The following AXL variants were observed in gnomAD, a reference collection of about 807,000 sequenced individuals.
AXL encodes AXL receptor tyrosine kinase, also known as tyrosine-protein kinase receptor UFO.
Under a neutral mutation model 104.5 loss-of-function variants are expected in AXL, and 52 were observed. The observed-to-expected ratio is 0.50, with a 90% CI of 0.40 to 0.63. The LOEUF (loss-of-function observed/expected upper bound fraction) is 0.63, where lower values mean the gene tolerates loss of function less well. Ranked by LOEUF, AXL falls within the 20% of genes least tolerant of loss-of-function variation. The pLI is 0.00. For synonymous variants in AXL, 455 were observed against 473.7 expected, an observed-to-expected ratio of 0.96 and a Z score of 0.51; for missense variants, 1,024 against 1,188.5, an observed-to-expected ratio of 0.86 and a Z score of 2.04.
intron 10 of AXL, among the ~76,000 whole-genome samples, chr19:41,242,608 G>T (rs1024084225): frequency 6.6e-6 from 1 of 152,080 alleles, no homozygotes; most frequent in Admixed American, 6.6e-5. Context: ...GGGATAACAG[G>T]CATGAGCCAC....
intron 4 of AXL, among the ~76,000 whole-genome samples, chr19:41,230,173 C>CTG (rs1018381813): frequency 6.0e-5 from 9 of 148,948 alleles, no homozygotes; most frequent in East Asian, 4.0e-4. Context: ...GTGTCTGTGT[C>CTG]TGTGTGTGAG....
At chr19:41,221,039 G>A in intron 2 of AXL, 107 bp from the exon 3 acceptor site, 1 of 1,214,154 alleles carries the variant, frequency 8.2e-7, no homozygotes, top group Non-Finnish European at 1.2e-6. Flanking sequence ...ATACTTCGTG[G>A]TTGTCATGAG....
chr19:41,252,574 G>A (rs1457272706), intron 15 of AXL, 131 bp downstream of exon 15: 2 of 1,129,146 alleles, frequency 1.8e-6, no homozygotes, highest in South Asian at 1.5e-5. Context: ...GGGTCAGCAG[G>A]CTTCCCCCTC....
chr19:41,253,465 A>T, intron 16 of AXL, 134 bp from the exon 17 acceptor site: 1 of 672,170 alleles, frequency 1.5e-6, no homozygotes, highest in South Asian at 1.7e-5. Flanking sequence ...GGCCATGGAG[A>T]GGGGTTGGGT....
At chr19:41,238,241 CT>C in intron 7 of AXL, 87 bp downstream of exon 7, 1 of 1,507,204 alleles carries the variant, frequency 6.6e-7, no homozygotes, top group Non-Finnish European at 9.2e-7. Context: ...CCTTTCACTC[CT>C]TTACCCCTCA....
At chr19:41,232,991 T>C (rs1237196492) in intron 6 of AXL, among the ~76,000 whole-genome samples, 1 of 152,010 alleles carries the variant, frequency 6.6e-6, no homozygotes, top group East Asian at 1.9e-4. Context: ...TTTTGTTTTT[T>C]CTTTTCTTTT....
Position 41,256,604 on chromosome 19 carries a change from GC to G in AXL, c.2190del (p.Ser730ArgfsTer8). On this transcript the variant is annotated frameshift_variant, in exon 18 of 20. Transcript: ENST00000301178. LOFTEE classifies it high-confidence loss of function. ...GCTGACCGTGTCTACACCAGCAAGA[GC>G]GATGTGGTAGGTGCACTCCCGCCAA... ...SLADRVYTSK[S>X]DVWSFGVTMW... is the part of the protein sequence containing the mutation. 6.2e-7 allele frequency: 1 copy of G among 1,613,912 alleles called. No homozygotes were observed. The highest frequency in any genetic ancestry group is 1.3e-5 in the African/African-American group (1 of 75,058).
chr19:41,239,675 C>G lies in AXL; in HGVS notation c.1286-19C>G. On this transcript the variant is annotated intron_variant, in intron 9 of 19. Transcript: ENST00000301178. Reference sequence around the variant, plus strand: ...TGTCCTCTCTGAGCACATCTCCTCTCTGTCCTTTCTTCTCACAGGGCAAGC... The same window carrying G: ...TGTCCTCTCTGAGCACATCTCCTCTGTGTCCTTTCTTCTCACAGGGCAAGC... 1 of 1,614,172 alleles carries G rather than the reference C, an allele frequency of 6.2e-7. No individual in the cohort carries two copies. The highest frequency in any genetic ancestry group is 8.5e-7 in the Non-Finnish European group (1 of 1,180,032).
intron 17 of AXL, among the ~76,000 whole-genome samples, chr19:41,255,298 TTC>T (rs2034434553): frequency 6.6e-6 from 1 of 152,086 alleles, no homozygotes; most frequent in Non-Finnish European, 1.5e-5. Flanking sequence ...TTTTCTTTTT[TTC>T]TCTTTCTTTC....
chr19:41,219,915 C>T (rs1435100271), intron 1 of AXL, among the ~76,000 whole-genome samples: 1 of 151,838 alleles, frequency 6.6e-6, no homozygotes, highest in Non-Finnish European at 1.5e-5. Context: ...CCCCCCTGAC[C>T]CGCCACTTGT....
intron 9 of AXL, 74 bp from the exon 10 acceptor site, chr19:41,239,620 C>T: frequency 6.3e-7 from 1 of 1,576,314 alleles, no homozygotes; most frequent in Non-Finnish European, 8.7e-7. Context: ...GTGCCACACC[C>T]TTACTCCCTT....
In AXL at chr19:41,238,141, GACGC is replaced by G. The variant is rs2034115224; in HGVS notation, c.982_985del (p.Thr328ArgfsTer37). ...CCTGGACCCACTGGCTTCCTGTGGA[GACGC>G]CGGAGGGAGGTAAGAAGGGTTGGGG... On this transcript the variant is annotated frameshift_variant, in exon 7 of 20. Coordinates refer to ENST00000301178, the MANE Select transcript of AXL (RefSeq NM_021913.5). LOFTEE classifies it high-confidence loss of function. 1 of 1,613,974 alleles carries G rather than the reference GACGC, an allele frequency of 6.2e-7. No individual in the cohort carries two copies. Among genetic ancestry groups the G allele is most frequent in the Non-Finnish European group, 8.5e-7 (1 of 1,180,010 alleles).
At chr19:41,243,564 G>T (rs2034219562) in intron 11 of AXL, 52 bp from the exon 12 acceptor site, 5 of 1,390,646 alleles carry the variant, frequency 3.6e-6, no homozygotes, top group South Asian at 3.5e-5. Flanking sequence ...TGGTTGAGTA[G>T]GGGGTTCCAC....
chr19:41,222,180 C>T, intron 4 of AXL, 124 bp downstream of exon 4: 2 of 1,080,458 alleles, frequency 1.9e-6, no homozygotes, highest in Non-Finnish European at 2.5e-6. Context: ...CTGTCTGTCT[C>T]TCTCGTTTCT....
chr19:41,242,776 C>T, intron 10 of AXL, 107 bp from the exon 11 acceptor site: 2 of 1,424,122 alleles, frequency 1.4e-6, no homozygotes, highest in South Asian at 2.5e-5. Flanking sequence ...CAAGTATGTG[C>T]ACATCTTTGC....
At chr19:41,242,735 G>A in intron 10 of AXL, 148 bp from the exon 11 acceptor site, 1 of 1,010,878 alleles carries the variant, frequency 9.9e-7, no homozygotes, top group African/African-American at 1.6e-5. Context: ...AGCCCATTCA[G>A]ATATGTGAAT....
chr19:41,237,053 C>T (rs753477201), intron 6 of AXL, among the ~76,000 whole-genome samples: 4 of 152,038 alleles, frequency 2.6e-5, no homozygotes, highest in Non-Finnish European at 2.9e-5. Flanking sequence ...AGATTGGACA[C>T]CTTTGAGATT....
chr19:41,259,597 G>A lies in AXL; in HGVS notation c.2378G>A (p.Arg793Gln), dbSNP rs750479355. The A allele has an allele frequency of 3.7e-6, 6 of 1,613,224 alleles. No individual in the cohort carries two copies. Among genetic ancestry groups the A allele is most frequent in the African/African-American group, 1.3e-5 (1 of 74,824 alleles). The part of the protein sequence containing the change: ...SRCWELNPQD[R>Q]PSFTELREDL... The stretch of plus-strand genomic sequence containing the variant: ...TGCTGGGAGCTAAATCCCCAGGACC[G>A]GCCAAGTTTTACAGAGCTGCGGGAA... Residue 793 changes from arginine to glutamine, a missense_variant, in exon 20 of 20, where the codon CGG becomes CAG. Physicochemically the swap from Arg to Gln is conservative, Grantham distance 43. Transcript: ENST00000301178.
At chr19:41,259,372 C>T (rs1367648344) in intron 19 of AXL, among the ~76,000 whole-genome samples, 181 bp from the exon 20 acceptor site, 1 of 152,072 alleles carries the variant, frequency 6.6e-6, no homozygotes, top group Non-Finnish European at 1.5e-5. Flanking sequence ...TCTCCCAGGA[C>T]CCAACTCAGA....
Sources: gnomAD v4.1 joint callset for allele counts (sites outside exome capture counted in the v4.1 genomes callset) on GRCh38, gnomAD v4.1.1 for gene constraint, MANE v1.5 for transcripts, NCBI Gene and HGNC (gene_info 2026-07-23, HGNC 2026-07-21) for gene names.